PSD3: variants seen among roughly 807,000 people sequenced by gnomAD.
PSD3 encodes pleckstrin and Sec7 domain containing 3.
A neutral mutation model predicts 105.5 loss-of-function variants in PSD3; 49 were observed. That is an observed-to-expected ratio of 0.46 (90% CI 0.37 to 0.59). The LOEUF (loss-of-function observed/expected upper bound fraction) is 0.59. Among genes scored for constraint, PSD3 ranks in the 20% least tolerant of loss-of-function variants. The probability of loss-of-function intolerance (pLI) is 0.00; values close to 1 mark genes in which losing one functional copy is unlikely to be tolerated. For missense variants in PSD3, 1,561 were observed against 1,263.8 expected, an observed-to-expected ratio of 1.24 and a Z score of -3.57; for synonymous variants, 557 against 457.8, an observed-to-expected ratio of 1.22 and a Z score of -2.77.
At chr8:18,780,276 C>T (rs949975003) in intron 8 of PSD3, among the ~76,000 whole-genome samples, 1 of 152,068 alleles carries the variant, frequency 6.6e-6, no homozygotes, top group African/African-American at 2.4e-5. Context: ...TATCTTTTTC[C>T]ATCCCTTCAC....
chr8:18,583,193 C>G (rs1372238779), intron 12 of PSD3, among the ~76,000 whole-genome samples: 1 of 152,126 alleles, frequency 6.6e-6, no homozygotes, highest in East Asian at 1.9e-4. Flanking sequence ...AATCCCTGCA[C>G]TTTGGGAGGT....
intron 11 of PSD3, among the ~76,000 whole-genome samples, chr8:18,623,354 G>A (rs951818495): frequency 7.0e-6 from 1 of 142,816 alleles, no homozygotes; most frequent in African/African-American, 2.6e-5. Flanking sequence ...GCTTATGCCT[G>A]TAATCCCAGC....
chr8:18,832,471 A>G (rs189909533), intron 4 of PSD3, among the ~76,000 whole-genome samples: 1 of 152,092 alleles, frequency 6.6e-6, no homozygotes, highest in African/African-American at 2.4e-5. Flanking sequence ...CAATTTCCCT[A>G]CGCCGCTACT....
intron 9 of PSD3, among the ~76,000 whole-genome samples, chr8:18,662,557 G>T (rs960372717): frequency 6.6e-6 from 1 of 152,142 alleles, no homozygotes; most frequent in Non-Finnish European, 1.5e-5. Flanking sequence ...GAAACGGGTG[G>T]GTGGGGCACC....
At chr8:18,777,807 C>T (rs138316181) in intron 8 of PSD3, among the ~76,000 whole-genome samples, 1 of 152,170 alleles carries the variant, frequency 6.6e-6, no homozygotes, top group Non-Finnish European at 1.5e-5. Context: ...CCCACCACCA[C>T]CACTATCCAC....
chr8:18,857,690 C>G (rs562473605), intron 4 of PSD3, among the ~76,000 whole-genome samples: 31 of 152,288 alleles, frequency 2.0e-4, no homozygotes, highest in African/African-American at 7.2e-4. Context: ...ATGTAAACCA[C>G]TTGGACCTCT....
At chr8:18,536,054 G>T in intron 15 of PSD3, 96 bp from the exon 16 acceptor site, 2 of 1,196,496 alleles carry the variant, frequency 1.7e-6, no homozygotes, top group South Asian at 1.4e-5. Context: ...GAGTGTGAAT[G>T]GCTGTTGAAG....
At chr8:18,821,396 A>G (rs202110560) in intron 4 of PSD3, among the ~76,000 whole-genome samples, 4 of 1,510 alleles carry the variant, frequency 2.6e-3, no homozygotes, top group Non-Finnish European at 0.05. Flanking sequence ...TCCAAAAAAA[A>G]TAATACCAGG....
At chr8:19,015,245 G>A (rs917609043), upstream of PSD3, among the ~76,000 whole-genome samples, 3 of 152,152 alleles carry the variant, frequency 2.0e-5, no homozygotes, top group Non-Finnish European at 2.9e-5. Flanking sequence ...ACTGCCATCC[G>A]CTTAAGATGT....
intron 4 of PSD3, among the ~76,000 whole-genome samples, chr8:18,833,628 A>G (rs374344828): frequency 6.6e-6 from 1 of 152,196 alleles, no homozygotes; most frequent in Non-Finnish European, 1.5e-5. Flanking sequence ...TTTGCTGTGT[A>G]AGTTACCAGA....
At chr8:18,780,090 T>C (rs895481391) in intron 8 of PSD3, among the ~76,000 whole-genome samples, 11 of 152,358 alleles carry the variant, frequency 7.2e-5, no homozygotes, top group African/African-American at 2.6e-4. Context: ...TTGCTTTCTA[T>C]ATCTGCATGC....
At chr8:19,026,809 G>A (rs954834816) in intron 1 of PSD3, among the ~76,000 whole-genome samples, 9 of 151,286 alleles carry the variant, frequency 5.9e-5, no homozygotes, top group South Asian at 2.1e-4. Context: ...GGAGTTTGAA[G>A]CTGCAGTGAG....
At chr8:18,873,399 A>G (rs1454661796) in intron 2 of PSD3, among the ~76,000 whole-genome samples, 1 of 152,086 alleles carries the variant, frequency 6.6e-6, no homozygotes, top group Non-Finnish European at 1.5e-5. Context: ...CATTTTATTC[A>G]TTTATTTTCC....
Position 18,807,212 on chromosome 8 carries a change from C to A in PSD3, c.1635-2314G>T, listed in dbSNP as rs138643753. On this transcript the variant is annotated intron_variant, in intron 4 of 15. Coordinates refer to ENST00000327040, the MANE Select transcript of PSD3 (RefSeq NM_015310.4). ...CAAGTTCCCTTTTCCCACTGCTCTA[C>A]CAAGGAAGCACTGGCCTTATGCTTC... 1.1e-4 allele frequency among the ~76,000 whole-genome samples: 17 copies of A among 152,308 alleles called. No individual in the cohort carries two copies. In the East Asian group the frequency reaches 3.3e-3, roughly 29 times the overall value.
chr8:18,744,666 C>G (rs1804837358), intron 9 of PSD3, among the ~76,000 whole-genome samples: 1 of 152,178 alleles, frequency 6.6e-6, no homozygotes, highest in African/African-American at 2.4e-5. Flanking sequence ...ATCCTCCACC[C>G]AGTCTTCCCT....
chr8:18,949,244 AAT>A lies in PSD3; in HGVS notation c.22-13104_22-13103del, dbSNP rs1215845074. ...CTCAAAAAAAAAAAAAAAAAAAAAA[AAT>A]ATATATATATATATATATATATATA... On this transcript the variant is annotated intron_variant, in intron 1 of 15. Coordinates refer to ENST00000327040, the MANE Select transcript of PSD3 (RefSeq NM_015310.4). Among the ~76,000 whole-genome samples the A allele has an allele frequency of 9.9e-3, 143 of 14,404 alleles. 3 individuals are homozygous for A. Among genetic ancestry groups the A allele is most frequent in the South Asian group, 0.029 (6 of 210 alleles). 9.4% of individuals were successfully genotyped at this position (14,404 alleles called of 152,430 possible). A position where few individuals can be genotyped will look rare whatever the true frequency, so the allele number is the denominator to read the frequency against.
At chr8:18,926,735 C>G (rs369173175) in intron 2 of PSD3, among the ~76,000 whole-genome samples, 1 of 152,156 alleles carries the variant, frequency 6.6e-6, no homozygotes, top group African/African-American at 2.4e-5. Context: ...GAGATTTTCT[C>G]CACACATGAA....
At chr8:18,952,380 A>AG (rs201906760) in intron 1 of PSD3, among the ~76,000 whole-genome samples, 60 of 152,172 alleles carry the variant, frequency 3.9e-4, no homozygotes, top group South Asian at 2.5e-3. Context: ...TTCTGGGGAA[A>AG]AATAACAGAG....
At chr8:19,079,042 C>CTA (rs767886995) in intron 1 of PSD3, among the ~76,000 whole-genome samples, 5 of 151,978 alleles carry the variant, frequency 3.3e-5, no homozygotes, top group Non-Finnish European at 7.4e-5. Context: ...CCTCTGCTTC[C>CTA]TATAGGTGGA....
Sources: gnomAD v4.1 joint callset for allele counts (sites outside exome capture counted in the v4.1 genomes callset) on GRCh38, gnomAD v4.1.1 for gene constraint, MANE v1.5 for transcripts, NCBI Gene and HGNC (gene_info 2026-07-23, HGNC 2026-07-21) for gene names.